SLC22A23: variants seen among roughly 807,000 people sequenced by gnomAD.
SLC22A23 encodes solute carrier family 22 member 23, also known as ion transporter protein.
SLC22A23 carries 26 observed loss-of-function variants against 61.0 expected under a neutral mutation model. The ratio of observed to expected loss-of-function variants is 0.43; its 90% CI spans 0.31 to 0.59. The LOEUF is 0.59. Among genes scored for constraint, SLC22A23 ranks in the 20% least tolerant of loss-of-function variants. SLC22A23 has a pLI of 0.11. For missense variants in SLC22A23, 796 were observed against 934.7 expected (o/e 0.85, Z 1.94); for synonymous variants, 430 against 413.9 (o/e 1.04, Z -0.47).
chr6:3,332,705 C>T (rs1180941642), intron 3 of SLC22A23, among the ~76,000 whole-genome samples: 2 of 152,066 alleles, frequency 1.3e-5, no homozygotes, highest in Non-Finnish European at 2.9e-5. Context: ...AACAATAATT[C>T]TTTAATATTA....
chr6:3,281,463 T>G (rs1481188999), intron 9 of SLC22A23, among the ~76,000 whole-genome samples: 2 of 152,242 alleles, frequency 1.3e-5, no homozygotes, highest in Non-Finnish European at 2.9e-5. Flanking sequence ...AAGCATTTTT[T>G]GAACTTTTTG....
At chr6:3,446,318 A>G (rs1771893560) in intron 1 of SLC22A23, among the ~76,000 whole-genome samples, 2 of 152,224 alleles carry the variant, frequency 1.3e-5, no homozygotes, top group Admixed American at 1.3e-4. Flanking sequence ...CCTCCAGCTC[A>G]GCCTTCTCAT....
chr6:3,282,806 G>C (rs866256548), intron 9 of SLC22A23, among the ~76,000 whole-genome samples: 7 of 152,304 alleles, frequency 4.6e-5, no homozygotes, highest in Non-Finnish European at 8.8e-5. Context: ...TAGTGGAGGC[G>C]TGCCTTTTTA....
At chr6:3,426,336 AT>A (rs1770488516) in intron 1 of SLC22A23, among the ~76,000 whole-genome samples, 1 of 152,150 alleles carries the variant, frequency 6.6e-6, no homozygotes, top group African/African-American at 2.4e-5. Flanking sequence ...GGAAAATGTC[AT>A]TTTCAGACAG....
At position 3,284,994 on chromosome 6, in the gene SLC22A23, A is replaced by G. The variant is rs1416650249; in HGVS notation, c.1579+85T>C. The G allele has an allele frequency of 9.6e-6, 15 of 1,565,394 alleles. 1 individual carries two copies. Among genetic ancestry groups the G allele is most frequent in the Non-Finnish European group, 1.3e-5 (15 of 1,154,892 alleles). On this transcript the variant is annotated intron_variant, in intron 8 of 9. Transcript: ENST00000406686. ...CAACGGGGAGAAAGAGAAAATGGAA[A>G]CCACAGGTCCGTGAGTCTTCGAGAA...
chr6:3,362,824 C>G (rs558435592), intron 3 of SLC22A23, among the ~76,000 whole-genome samples: 6 of 148,750 alleles, frequency 4.0e-5, no homozygotes, highest in African/African-American at 1.5e-4. Flanking sequence ...CATTAAGGAC[C>G]ATCGAATAAA....
chr6:3,428,478 G>A (rs1770651448), intron 1 of SLC22A23, among the ~76,000 whole-genome samples: 1 of 152,098 alleles, frequency 6.6e-6, no homozygotes, highest in Non-Finnish European at 1.5e-5. Context: ...GGGCTTCATG[G>A]GCTTGGCTTT....
intron 4 of SLC22A23, chr6:3,323,366 C>T (rs564087945): frequency 4.4e-6 from 2 of 456,886 alleles, no homozygotes; most frequent in Non-Finnish European, 8.8e-6. Flanking sequence ...ACTTTATTTA[C>T]AAAAACAGAC....
chr6:3,283,480 A>G (rs900119469), intron 9 of SLC22A23: 7 of 295,368 alleles, frequency 2.4e-5, no homozygotes, highest in Non-Finnish European at 4.7e-5. Context: ...AACATTTTGC[A>G]CTAGCTGTGC....
intron 3 of SLC22A23, among the ~76,000 whole-genome samples, chr6:3,401,883 A>G (rs1768416653): frequency 6.6e-6 from 1 of 152,204 alleles, no homozygotes; most frequent in Non-Finnish European, 1.5e-5. Flanking sequence ...CAATCCTCTC[A>G]GATGCCCTAA....
chr6:3,400,641 C>G (rs535846692), intron 3 of SLC22A23, among the ~76,000 whole-genome samples: 1 of 152,366 alleles, frequency 6.6e-6, no homozygotes, highest in Admixed American at 6.5e-5. Context: ...AAGGTCACAA[C>G]TGGCAAGTGG....
chr6:3,407,991 T>C (rs1419015561), intron 3 of SLC22A23, among the ~76,000 whole-genome samples: 3 of 152,266 alleles, frequency 2.0e-5, no homozygotes, highest in African/African-American at 7.2e-5. Flanking sequence ...TGAAAAATTA[T>C]GGCCCACTGG....
intron 1 of SLC22A23, among the ~76,000 whole-genome samples, chr6:3,430,336 G>T (rs1249485582): frequency 6.6e-6 from 1 of 152,176 alleles, no homozygotes; most frequent in Non-Finnish European, 1.5e-5. Flanking sequence ...CCAAAAGGAA[G>T]AGTGACCAGA....
rs189609669 is a variant in SLC22A23 at position 3,387,298 on chromosome 6, G to A, written c.913+22890C>T. Among the ~76,000 whole-genome samples the A allele has an allele frequency of 2.7e-4, 41 of 152,326 alleles. No homozygotes were observed. In the East Asian group the frequency reaches 7.3e-3, roughly 27 times the overall value. ...GTCAGAGCTCCTGCCTCGATACGAC[G>A]CCATGAGCAGGGTGGTGCTCTTCCC... On this transcript the variant is annotated intron_variant, in intron 3 of 9. Coordinates refer to ENST00000406686, the MANE Select transcript of SLC22A23 (RefSeq NM_015482.2). This position sits in a 1 kb window ranked among gnomAD's most constrained non-coding sequence, Gnocchi z 5.0.
intron 3 of SLC22A23, among the ~76,000 whole-genome samples, chr6:3,332,057 C>T (rs190380457): frequency 3.3e-5 from 5 of 152,290 alleles, no homozygotes; most frequent in Admixed American, 6.5e-5. Flanking sequence ...AATTATATCA[C>T]GCTTTTGAGC....
In SLC22A23 at chr6:3,360,395, C is replaced by T. The variant is rs371637620; in HGVS notation, c.914-36393G>A. On this transcript the variant is annotated intron_variant, in intron 3 of 9. Coordinates refer to ENST00000406686, the MANE Select transcript of SLC22A23 (RefSeq NM_015482.2). This position sits in a 1 kb window ranked among gnomAD's most constrained non-coding sequence, Gnocchi z 4.6. ...CCCGCCCACCCATCCACCCAAGGAT[C>T]CTTAAACTCAGGAGGATCAGAAAGG... Among the ~76,000 whole-genome samples the T allele has an allele frequency of 6.6e-4, 100 of 152,256 alleles. 2 individuals carry two copies. The South Asian group carries it at 0.021, about 32-fold the overall frequency.
chr6:3,363,615 C>T (rs1238168632), intron 3 of SLC22A23, among the ~76,000 whole-genome samples: 1 of 152,272 alleles, frequency 6.6e-6, no homozygotes, highest in Non-Finnish European at 1.5e-5. Context: ...GATGTGGCAC[C>T]TTCAGCACTA....
chr6:3,404,336 G>T (rs781490186), intron 3 of SLC22A23, among the ~76,000 whole-genome samples: 2 of 152,160 alleles, frequency 1.3e-5, no homozygotes, highest in Non-Finnish European at 2.9e-5. Context: ...GGGCAGATGG[G>T]TCTCAGTGAT....
intron 1 of SLC22A23, among the ~76,000 whole-genome samples, chr6:3,420,950 A>C (rs1291611665): frequency 5.3e-5 from 8 of 151,982 alleles, no homozygotes; most frequent in Admixed American, 5.2e-4. Context: ...AAAATACAAA[A>C]ATTAGCTGGG....
Sources: allele counts gnomAD v4.1 joint callset (sites outside exome capture counted in the v4.1 genomes callset), GRCh38; gene constraint gnomAD v4.1.1; non-coding constraint Gnocchi (gnomAD v3.1); transcripts MANE v1.5; gene names NCBI Gene and HGNC (gene_info 2026-07-23, HGNC 2026-07-21).